ZPBP: variants seen among roughly 807,000 people sequenced by gnomAD.
The protein encoded by ZPBP is zona pellucida-binding protein 1.
Under a neutral mutation model 44.8 loss-of-function variants are expected in ZPBP, and 26 were observed. The ratio of observed to expected loss-of-function variants is 0.58; its 90% CI spans 0.43 to 0.81. The LOEUF (loss-of-function observed/expected upper bound fraction) is 0.81. Among genes scored for constraint, ZPBP ranks in the 30% least tolerant of loss-of-function variants. The pLI is 0.00. For missense variants in ZPBP, 409 were observed against 434.0 expected (o/e 0.94, Z 0.51); for synonymous variants, 174 against 153.2 (o/e 1.14, Z -1.00).
At chr7:49,995,800 G>A (rs542681141) in intron 6 of ZPBP, among the ~76,000 whole-genome samples, 86 of 152,238 alleles carry the variant, frequency 5.6e-4, no homozygotes, top group African/African-American at 1.9e-3. Context: ...GTTCTCATTC[G>A]TATGTGGGAA....
At chr7:50,083,354 C>T (rs79479190) in intron 2 of ZPBP, among the ~76,000 whole-genome samples, 4,695 of 151,968 alleles carry the variant, frequency 0.031, 89 homozygotes, top group Middle Eastern at 0.061. Context: ...CATCTTCAGG[C>T]TCTAACAAAA....
At chr7:49,863,970 G>T (rs1027751831) in intron 2 of ZPBP, among the ~76,000 whole-genome samples, 21 of 152,000 alleles carry the variant, frequency 1.4e-4, no homozygotes, top group African/African-American at 5.1e-4. Context: ...TCTTTATTTT[G>T]TTTTAAAATA....
At chr7:49,909,512 A>G (rs1383979578) in intron 1 of ZPBP, among the ~76,000 whole-genome samples, 4 of 152,092 alleles carry the variant, frequency 2.6e-5, no homozygotes, top group Non-Finnish European at 5.9e-5. Flanking sequence ...TGGAGTGCAG[A>G]GAGGACTAGA....
At position 50,024,836 on chromosome 7, in the gene ZPBP, T is replaced by C. The variant is rs1263379952; in HGVS notation, c.706+6256A>G. 2.6e-5 allele frequency among the ~76,000 whole-genome samples: 4 copies of C among 152,108 alleles called. No homozygotes were observed. The East Asian group carries it at 7.7e-4, about 29-fold the overall frequency. On this transcript the variant is annotated intron_variant, in intron 5 of 7. Coordinates refer to ENST00000046087, the MANE Select transcript of ZPBP (RefSeq NM_007009.3). ...AGAAGAGTCATTTTACCATGAGTCA[T>C]GCTCTTACCATGGGGTGGAGGGGAA...
chr7:49,978,399 A>G (rs1356581632), intron 7 of ZPBP, among the ~76,000 whole-genome samples: 1 of 152,040 alleles, frequency 6.6e-6, no homozygotes, highest in Non-Finnish European at 1.5e-5. Context: ...AAATTAATTT[A>G]AAAGTACTAA....
intron 7 of ZPBP, among the ~76,000 whole-genome samples, chr7:49,975,863 C>T (rs994592727): frequency 2.0e-5 from 3 of 152,164 alleles, no homozygotes; most frequent in Non-Finnish European, 4.4e-5. Context: ...TTAAATTGAT[C>T]GTTTCAGTGA....
chr7:49,939,090 C>A (rs1331580577), intron 7 of ZPBP, among the ~76,000 whole-genome samples: 2 of 152,074 alleles, frequency 1.3e-5, no homozygotes, highest in African/African-American at 4.8e-5. Flanking sequence ...TGGTAATGTA[C>A]ACAGTAAGCT....
At position 50,089,702 on chromosome 7, in the gene ZPBP, G is replaced by A; in HGVS notation, c.135C>T (p.His45=). ...FLVRVPSSVG[H]LVRLPRAFRL... is the part of the protein sequence containing the mutation. The stretch of plus-strand genomic sequence containing the variant: ...GAAAAGCTCTTGGTAATCGAACCAA[G>A]TGTCCAACTATCAAAAAAAAAGATC... Residue 45 remains histidine, a synonymous_variant, in exon 2 of 8, where the codon CAC becomes CAT. Transcript: ENST00000046087. 6.2e-7 allele frequency: 1 copy of A among 1,609,728 alleles called. No individual in the cohort carries two copies. The highest frequency in any genetic ancestry group is 8.5e-7 in the Non-Finnish European group (1 of 1,177,450).
At chr7:50,077,264 A>G (rs1802143363) in intron 3 of ZPBP, among the ~76,000 whole-genome samples, 1 of 151,968 alleles carries the variant, frequency 6.6e-6, no homozygotes, top group Non-Finnish European at 1.5e-5. Flanking sequence ...TAGATTAAAG[A>G]GTTAAATCTA....
intron 7 of ZPBP, among the ~76,000 whole-genome samples, chr7:49,972,555 C>G (rs1796341852): frequency 6.6e-6 from 1 of 151,972 alleles, no homozygotes; most frequent in African/African-American, 2.4e-5. Context: ...ACACTGAAAT[C>G]TATAACATAC....
chr7:49,917,066 C>G (rs1451529608), intron 1 of ZPBP: 2 of 152,110 alleles, frequency 1.3e-5, no homozygotes, highest in African/African-American at 4.8e-5. Context: ...TTTTCTTAGA[C>G]TTTCATTTGT....
At chr7:49,948,366 A>G (rs1236875202) in intron 7 of ZPBP, among the ~76,000 whole-genome samples, 1 of 152,212 alleles carries the variant, frequency 6.6e-6, no homozygotes, top group Non-Finnish European at 1.5e-5. Context: ...AGCACAAGAA[A>G]TAAAGATTGG....
At chr7:50,068,655 G>A (rs374264430) in intron 3 of ZPBP, among the ~76,000 whole-genome samples, 4 of 152,028 alleles carry the variant, frequency 2.6e-5, no homozygotes, top group African/African-American at 7.2e-5. Context: ...TAAAGCCTCC[G>A]ATCAGCCTTC....
At chr7:49,879,635 A>T (rs1389536834) in intron 2 of ZPBP, among the ~76,000 whole-genome samples, 1 of 152,170 alleles carries the variant, frequency 6.6e-6, no homozygotes, top group African/African-American at 2.4e-5. Context: ...ACTCTGTCCC[A>T]ACCCCAACTG....
chr7:49,900,893 T>C (rs1447286127), intron 2 of ZPBP, among the ~76,000 whole-genome samples: 2 of 151,896 alleles, frequency 1.3e-5, no homozygotes. Flanking sequence ...CCCAACCATG[T>C]GTAAGAATAA....
intron 2 of ZPBP, among the ~76,000 whole-genome samples, chr7:49,857,814 G>A (rs796133988): frequency 2.0e-5 from 3 of 152,248 alleles, no homozygotes; most frequent in African/African-American, 7.2e-5. Context: ...TCCATAAAAA[G>A]TGAATCAGAG....
chr7:49,850,137 GC>G (rs1189914284), downstream of ZPBP, among the ~76,000 whole-genome samples: 1 of 152,162 alleles, frequency 6.6e-6, no homozygotes, highest in Non-Finnish European at 1.5e-5. Context: ...GGAAAACAGA[GC>G]ACAGTGCTGT....
Position 50,081,826 on chromosome 7 carries a change from T to C in ZPBP, c.282A>G (p.Glu94=). The stretch of plus-strand genomic sequence containing the variant: ...ACCATTGGAATGATGGGTCTATCAG[T>C]TCAGCATTTCGCAGTTGTTGCGTTA... The part of the protein sequence containing the change: ...LCVTQQLRNA[E]LIDPSFQWYG... The change falls in exon 3 of 8, where the codon GAA becomes GAG. Residue 94 remains glutamate (E), a synonymous_variant. Transcript: ENST00000046087. The C allele has an allele frequency of 6.2e-7, 1 of 1,611,708 alleles. No homozygotes were observed. The highest frequency in any genetic ancestry group is 1.1e-5 in the South Asian group (1 of 91,048).
intron 1 of ZPBP, among the ~76,000 whole-genome samples, chr7:49,907,198 G>C (rs1793149680): frequency 6.6e-6 from 1 of 152,178 alleles, no homozygotes; most frequent in Non-Finnish European, 1.5e-5. Context: ...CTTAAAAAAA[G>C]TTACACTCGA....
Sources: gnomAD v4.1 joint callset for allele counts (sites outside exome capture counted in the v4.1 genomes callset) on GRCh38, gnomAD v4.1.1 for gene constraint, MANE v1.5 for transcripts, NCBI Gene and HGNC (gene_info 2026-07-23, HGNC 2026-07-21) for gene names.